Variants in DUX4 observed in about 807,000 individuals in gnomAD.
The protein encoded by DUX4 is double homeobox 4.
chr4:190,178,752 T>C (rs1742448334), downstream of DUX4, among the ~76,000 whole-genome samples: 122 of 128,652 alleles, frequency 9.5e-4, no homozygotes, highest in Admixed American at 1.6e-3. Flanking sequence ...AGCAAAGGTA[T>C]GTCACAAAGC....
chr4:190,177,980 G>T (rs1742397449), downstream of DUX4, among the ~76,000 whole-genome samples: 9 of 150,964 alleles, frequency 6.0e-5, no homozygotes, highest in East Asian at 4.0e-4. Flanking sequence ...TACATCACCT[G>T]GGTGATCAGG....
downstream of DUX4, among the ~76,000 whole-genome samples, chr4:190,179,505 TCACAAGCCCCCTGTAGG>T (rs1742499220): frequency 8.0e-6 from 1 of 125,388 alleles, no homozygotes. Context: ...CAGAGATATG[TCACAAGCCCCCTGTAGG>T]CAGAGCCTAG....
At chr4:190,181,717 A>G (rs1579837992) in intron 1 of DUX4, among the ~76,000 whole-genome samples, 16 of 149,038 alleles carry the variant, frequency 1.1e-4, no homozygotes, top group East Asian at 2.0e-4. Flanking sequence ...GGCAGATCCA[A>G]CACAAGAGTT....
At chr4:190,181,776 G>A (rs2126585357) in intron 1 of DUX4, among the ~76,000 whole-genome samples, 14 of 105,784 alleles carry the variant, frequency 1.3e-4, no homozygotes, top group African/African-American at 2.4e-4. Context: ...GCCCCCAGTA[G>A]GCAGAGCCTA....
chr4:190,177,163 A>ACAGG, downstream of DUX4, among the ~76,000 whole-genome samples: 1 of 113,642 alleles, frequency 8.8e-6, no homozygotes, highest in Non-Finnish European at 2.0e-5. Context: ...CATCACCTAG[A>ACAGG]TGATCTGTGC....
downstream of DUX4, among the ~76,000 whole-genome samples, chr4:190,178,211 C>T (rs1742410320): frequency 1.3e-5 from 2 of 151,918 alleles, no homozygotes; most frequent in Admixed American, 6.6e-5. Flanking sequence ...AGATATGTCA[C>T]AATGCCCCCT....
At chr4:190,180,010 T>TCC (rs1742525168), downstream of DUX4, among the ~76,000 whole-genome samples, 4 of 90,390 alleles carry the variant, frequency 4.4e-5, no homozygotes, top group Admixed American at 1.2e-4. Context: ...GAGCTTAAAC[T>TCC]AGAGTTACAT....
At chr4:190,177,212 T>TAAATGTTACATCAACGCCCCTGTAGGCA (rs1742352317), downstream of DUX4, among the ~76,000 whole-genome samples, 1 of 13,518 alleles carries the variant, frequency 7.4e-5, no homozygotes, top group Non-Finnish European at 3.0e-4. Context: ...AGAGCCTAGA[T>TAAATGTTACATCAACGCCCCTGTAGGCA]GAGTGTTACA....
chr4:190,179,360 G>C (rs1579835394), downstream of DUX4, among the ~76,000 whole-genome samples: 16 of 151,808 alleles, frequency 1.1e-4, no homozygotes, highest in African/African-American at 2.2e-4. Flanking sequence ...GATCAGTGCA[G>C]AGATACATCG....
intron 1 of DUX4, among the ~76,000 whole-genome samples, chr4:190,181,244 A>AATGCCACAAGTAGGTAGAGCCTAGAAAAG (rs1742556923): frequency 6.7e-6 from 1 of 149,344 alleles, no homozygotes; most frequent in African/African-American, 2.5e-5. Context: ...AATCCAAGAC[A>AATGCCACAAGTAGGTAGAGCCTAGAAAAG]AGAGTCTGTC....
downstream of DUX4, among the ~76,000 whole-genome samples, chr4:190,179,375 GC>G (rs1742489420): frequency 1.3e-4 from 20 of 151,122 alleles, no homozygotes; most frequent in South Asian, 4.2e-4. Flanking sequence ...ACATCGCAAT[GC>G]CCCTGTAGGC....
At chr4:190,183,249 G>T (rs1742624543) in intron 1 of DUX4, 1 of 107,300 alleles carries the variant, frequency 9.3e-6, no homozygotes, top group Admixed American at 1.2e-4. Flanking sequence ...ATTAAGACAT[G>T]TTTGTCTTCA....
At chr4:190,179,062 T>TTACA (rs1742475484), downstream of DUX4, among the ~76,000 whole-genome samples, 384 of 146,272 alleles carry the variant, frequency 2.6e-3, no homozygotes, top group Middle Eastern at 3.5e-3. Flanking sequence ...TAGAAAAGAG[T>TTACA]CCCATTACTT....
intron 1 of DUX4, among the ~76,000 whole-genome samples, chr4:190,181,244 A>AACAGTCTGCCACCTGGGTGATC (rs1742556923): frequency 6.7e-6 from 1 of 149,344 alleles, no homozygotes; most frequent in Admixed American, 6.7e-5. Context: ...AATCCAAGAC[A>AACAGTCTGCCACCTGGGTGATC]AGAGTCTGTC....
At chr4:190,175,603 G>T (rs1484802662) in intron 1 of DUX4, 44 bp from the exon 2 acceptor site, 1 of 173,656 alleles carries the variant, frequency 5.8e-6, no homozygotes, top group African/African-American at 2.6e-5. Context: ...GCGCCTGGCG[G>T]TCAAAAGCAT....
chr4:190,181,247 A>AATCCTTCACCTG (rs1742557679), intron 1 of DUX4, among the ~76,000 whole-genome samples: 3 of 66,036 alleles, frequency 4.5e-5, no homozygotes, highest in Non-Finnish European at 9.6e-5. Context: ...CCAAGACAAG[A>AATCCTTCACCTG]GTCTGTCACC....
intron 1 of DUX4, chr4:190,182,315 C>T (rs1258502183): frequency 6.9e-5 from 6 of 86,528 alleles, no homozygotes; most frequent in South Asian, 4.2e-4. Flanking sequence ...TAGGCTTAGG[C>T]TTAGGGTAAG....
chr4:190,181,487 C>T (rs1742573277), intron 1 of DUX4, among the ~76,000 whole-genome samples: 3 of 151,036 alleles, frequency 2.0e-5, no homozygotes, highest in African/African-American at 2.4e-5. Context: ...AGAGATACGT[C>T]ACAAGGCCCC....
intron 1 of DUX4, among the ~76,000 whole-genome samples, chr4:190,181,243 C>A (rs1461338707): frequency 0.02 from 300 of 14,846 alleles, no homozygotes; most frequent in East Asian, 0.05. Flanking sequence ...AAATCCAAGA[C>A]AAGAGTCTGT....
Sources: gnomAD v4.1 joint callset for allele counts (sites outside exome capture counted in the v4.1 genomes callset) on GRCh38, gnomAD v4.1.1 for gene constraint, MANE v1.5 for transcripts, NCBI Gene and HGNC (gene_info 2026-07-23, HGNC 2026-07-21) for gene names.